The following EML2 variants were observed in gnomAD, a reference collection of about 807,000 sequenced individuals.
The protein encoded by EML2 is EMAP like 2.
A neutral mutation model predicts 84.7 loss-of-function variants in EML2; 59 were observed. The ratio of observed to expected loss-of-function variants is 0.70; its 90% CI spans 0.56 to 0.86. The LOEUF (loss-of-function observed/expected upper bound fraction) is 0.86. Among genes scored for constraint, EML2 ranks in the 40% least tolerant of loss-of-function variants. EML2 has a pLI of 0.00. For synonymous variants in EML2, 352 were observed against 348.9 expected (o/e 1.01, Z -0.10); for missense variants, 818 against 855.6 (o/e 0.96, Z 0.55).
chr19:45,645,589 T>TC (rs960533450), upstream of EML2: 2 of 737,400 alleles, frequency 2.7e-6, no homozygotes, highest in African/African-American at 3.8e-5. Context: ...TGCGCCCGGA[T>TC]CCCCCTAGGT....
chr19:45,626,305 C>A (rs766490353), intron 8 of EML2, among the ~76,000 whole-genome samples: 2 of 151,982 alleles, frequency 1.3e-5, no homozygotes, highest in Non-Finnish European at 2.9e-5. Context: ...AGCCACCTTG[C>A]CACAGTACCC....
At chr19:45,620,650 A>G (rs1250532325) in intron 11 of EML2, among the ~76,000 whole-genome samples, 4 of 151,040 alleles carry the variant, frequency 2.6e-5, no homozygotes, top group African/African-American at 9.7e-5. Flanking sequence ...AGAGTTTGCA[A>G]TGAGCCGAGA....
intron 16 of EML2, 95 bp downstream of exon 16, chr19:45,615,707 A>G: frequency 9.2e-7 from 1 of 1,083,424 alleles, no homozygotes; most frequent in Non-Finnish European, 1.4e-6. Flanking sequence ...ATACCAAGGG[A>G]GCGAGGCTTG....
At chr19:45,610,855 C>CA (rs1970422605) in intron 18 of EML2, among the ~76,000 whole-genome samples, 1 of 151,952 alleles carries the variant, frequency 6.6e-6, no homozygotes, top group Non-Finnish European at 1.5e-5. Flanking sequence ...CAAAAACAAA[C>CA]AAAAAACCCA....
At chr19:45,645,370 G>A (rs981593037), upstream of EML2, 37 of 1,523,652 alleles carry the variant, frequency 2.4e-5, no homozygotes, top group Non-Finnish European at 3.0e-5. Context: ...CGGCCCCCCC[G>A]GTCCCAGCCC....
intron 9 of EML2, among the ~76,000 whole-genome samples, chr19:45,623,200 A>T (rs1406228888): frequency 2.0e-5 from 3 of 151,684 alleles, no homozygotes; most frequent in Non-Finnish European, 4.4e-5. Flanking sequence ...TCTACTAAAA[A>T]TACAAAAAAT....
chr19:45,618,632 T>G (rs1452118274), intron 12 of EML2, among the ~76,000 whole-genome samples: 1 of 151,984 alleles, frequency 6.6e-6, no homozygotes, highest in African/African-American at 2.4e-5. Context: ...GTTCCCTAGA[T>G]GAAACCCCCA....
Position 45,613,438 on chromosome 19 carries a change from A to G in EML2, c.1824+103T>C, listed in dbSNP as rs554410653. On this transcript the variant is annotated intron_variant, in intron 18 of 18. Transcript: ENST00000245925. ...CTGTCCTCCTTGTACAGATGGGGAA[A>G]CCGAGGCTCAGAGAAGGGGTGGGGT... The G allele has an allele frequency of 2.5e-4, 347 of 1,414,460 alleles. 2 individuals are homozygous for G. The African/African-American group carries it at 3.8e-3, about 15-fold the overall frequency. 87.6% of individuals were successfully genotyped at this position (1,414,460 alleles called of 1,614,324 possible).
intron 16 of EML2, 139 bp downstream of exon 16, chr19:45,615,663 C>G (rs1388253225): frequency 1.8e-5 from 12 of 683,226 alleles, no homozygotes; most frequent in Non-Finnish European, 3.1e-5. Context: ...GAGAAGCCAG[C>G]GGTCCCTAAA....
chr19:45,631,775 A>T (rs977391282), intron 6 of EML2, among the ~76,000 whole-genome samples: 32 of 151,920 alleles, frequency 2.1e-4, no homozygotes, highest in African/African-American at 7.2e-4. Flanking sequence ...GCATGATCAC[A>T]GTTCACTGCA....
chr19:45,641,633 G>C (rs1974516371), upstream of EML2: 2 of 1,535,958 alleles, frequency 1.3e-6, no homozygotes, highest in African/African-American at 2.7e-5. Flanking sequence ...CGCCGCCCCA[G>C]TCCTTACCCT....
intron 18 of EML2, among the ~76,000 whole-genome samples, chr19:45,610,085 C>T (rs547163582): frequency 6.6e-6 from 1 of 152,272 alleles, no homozygotes; most frequent in South Asian, 2.1e-4. Flanking sequence ...GTTACCAGGG[C>T]TAATAAGCCC....
intron 1 of EML2, 145 bp downstream of exon 1, chr19:45,639,212 G>T: frequency 2.1e-6 from 2 of 936,444 alleles, no homozygotes; most frequent in East Asian, 2.9e-5. Flanking sequence ...CACACCAAAC[G>T]TCAAGCAGAG....
At position 45,609,841 on chromosome 19, in the gene EML2, C is replaced by T. The variant is rs924610521; in HGVS notation, c.1825-53G>A. On this transcript the variant is annotated intron_variant, in intron 18 of 18. Transcript: ENST00000245925. ...AAATGTCAGTGGGGACAATGCCACC[C>T]CATCATGGTCCTCTTGTCTTGACCC... 7.6e-6 allele frequency: 12 copies of T among 1,588,492 alleles called. No individual in the cohort carries two copies. The African/African-American group carries it at 1.6e-4, about 22-fold the overall frequency.
At chr19:45,619,277 G>A in intron 11 of EML2, 86 bp from the exon 12 acceptor site, 1 of 1,472,338 alleles carries the variant, frequency 6.8e-7, no homozygotes, top group Admixed American at 2.2e-5. Context: ...TGCTAGATGA[G>A]CCCCAGCAAC....
intron 8 of EML2, 70 bp from the exon 9 acceptor site, chr19:45,624,888 C>T: frequency 8.8e-7 from 1 of 1,137,752 alleles, no homozygotes; most frequent in South Asian, 1.3e-5. Flanking sequence ...GGTCATCTGT[C>T]ACCCAGGACC....
chr19:45,630,845 G>A (rs927390391), intron 6 of EML2, among the ~76,000 whole-genome samples: 2 of 151,986 alleles, frequency 1.3e-5, no homozygotes. Context: ...TTGGGTTTTT[G>A]TTTGTTTTTT....
chr19:45,632,823 G>C, intron 6 of EML2, 38 bp downstream of exon 6: 5 of 1,577,554 alleles, frequency 3.2e-6, no homozygotes, highest in Non-Finnish European at 4.3e-6. Flanking sequence ...CTCCTTTTCG[G>C]GGCGAAGGGG....
chr19:45,622,969 C>A (rs1971885162), intron 9 of EML2, among the ~76,000 whole-genome samples: 1 of 141,776 alleles, frequency 7.1e-6, no homozygotes, highest in South Asian at 2.3e-4. Context: ...GAATGGTGAA[C>A]CTGGGAGGTG....
Sources: gnomAD v4.1 joint callset for allele counts (sites outside exome capture counted in the v4.1 genomes callset) on GRCh38, gnomAD v4.1.1 for gene constraint, MANE v1.5 for transcripts, NCBI Gene and HGNC (gene_info 2026-07-23, HGNC 2026-07-21) for gene names.